CDH18: variants seen among roughly 807,000 people sequenced by gnomAD.
CDH18 encodes cadherin-18.
A neutral mutation model predicts 67.9 loss-of-function variants in CDH18; 31 were observed. The ratio of observed to expected loss-of-function variants is 0.46; its 90% CI spans 0.34 to 0.62. The LOEUF (loss-of-function observed/expected upper bound fraction) is 0.62, where lower values mean the gene tolerates loss of function less well. CDH18 is among the 20% of genes least tolerant of loss of function. CDH18 has a pLI of 0.01. For synonymous variants in CDH18, 362 were observed against 347.2 expected (o/e 1.04, Z -0.48); for missense variants, 890 against 975.5 (o/e 0.91, Z 1.17).
intron 1 of CDH18, among the ~76,000 whole-genome samples, chr5:20,283,314 C>T (rs937530952): frequency 2.7e-4 from 41 of 151,858 alleles, no homozygotes; most frequent in African/African-American, 9.9e-4. Flanking sequence ...TGGAGGGAAT[C>T]CACAGAATGG....
At chr5:19,835,567 T>G (rs1781535411) in intron 3 of CDH18, among the ~76,000 whole-genome samples, 1 of 152,148 alleles carries the variant, frequency 6.6e-6, no homozygotes, top group Admixed American at 6.6e-5. Flanking sequence ...GAGGTTAAAT[T>G]AATTTTCTAA....
At chr5:20,498,849 A>C (rs184104125) in intron 1 of CDH18, among the ~76,000 whole-genome samples, 1 of 152,254 alleles carries the variant, frequency 6.6e-6, no homozygotes, top group Admixed American at 6.5e-5. Flanking sequence ...CACTAAACAT[A>C]GATTTAAATT....
chr5:19,902,730 G>T (rs1053877989), intron 2 of CDH18, among the ~76,000 whole-genome samples: 2 of 152,210 alleles, frequency 1.3e-5, no homozygotes, highest in African/African-American at 4.8e-5. Flanking sequence ...CAGGTAGAAA[G>T]AATGCAGAAT....
At chr5:19,791,947 C>T (rs147344894) in intron 3 of CDH18, among the ~76,000 whole-genome samples, 67 of 152,202 alleles carry the variant, frequency 4.4e-4, no homozygotes, top group African/African-American at 1.3e-3. Context: ...CAACAGACTA[C>T]TTTTTAGAAG....
intron 2 of CDH18, among the ~76,000 whole-genome samples, chr5:20,192,426 A>G (rs114896416): frequency 1.3e-5 from 2 of 152,032 alleles, no homozygotes; most frequent in Admixed American, 1.3e-4. Flanking sequence ...TCTTTGCCAA[A>G]TGCTTATGTC....
At chr5:19,956,431 T>C (rs1233020110) in intron 2 of CDH18, among the ~76,000 whole-genome samples, 1 of 151,954 alleles carries the variant, frequency 6.6e-6, no homozygotes, top group Non-Finnish European at 1.5e-5. Flanking sequence ...TCATTCCTAA[T>C]CATCAGCAGT....
At chr5:20,501,770 T>A (rs1394887244) in intron 1 of CDH18, among the ~76,000 whole-genome samples, 1 of 136,398 alleles carries the variant, frequency 7.3e-6, no homozygotes, top group Admixed American at 7.8e-5. Context: ...CCTTTACAGA[T>A]TGAATAAGTA....
chr5:20,235,634 G>A (rs1328761931), intron 2 of CDH18, among the ~76,000 whole-genome samples: 1 of 152,116 alleles, frequency 6.6e-6, no homozygotes, highest in African/African-American at 2.4e-5. Context: ...AACAGATGTT[G>A]GCAAGGCTGT....
At chr5:19,630,896 T>C (rs1309635857) in intron 5 of CDH18, among the ~76,000 whole-genome samples, 1 of 152,076 alleles carries the variant, frequency 6.6e-6, no homozygotes, top group African/African-American at 2.4e-5. Context: ...TGGCAAATAA[T>C]GGCTAAGGAA....
chr5:20,240,729 G>A (rs990006131), intron 2 of CDH18, among the ~76,000 whole-genome samples: 4 of 152,008 alleles, frequency 2.6e-5, no homozygotes, highest in Admixed American at 2.0e-4. Flanking sequence ...ATAGCTAGAC[G>A]CTCTACCCAG....
chr5:19,808,266 G>A (rs992525347), intron 3 of CDH18, among the ~76,000 whole-genome samples: 4 of 147,610 alleles, frequency 2.7e-5, no homozygotes, highest in African/African-American at 5.0e-5. Flanking sequence ...CTTTTGTAAC[G>A]AATGCCTATA....
At chr5:19,890,768 T>C (rs1788708210) in intron 2 of CDH18, among the ~76,000 whole-genome samples, 1 of 152,078 alleles carries the variant, frequency 6.6e-6, no homozygotes, top group Non-Finnish European at 1.5e-5. Context: ...CTAATTTTTG[T>C]ATTTTTATTA....
At chr5:20,015,191 G>A (rs1737776916) in intron 2 of CDH18, among the ~76,000 whole-genome samples, 1 of 152,026 alleles carries the variant, frequency 6.6e-6, no homozygotes, top group African/African-American at 2.4e-5. Context: ...TGGCCTATTT[G>A]GCCAAGAGAG....
At chr5:20,053,072 A>T (rs1189406159) in intron 2 of CDH18, among the ~76,000 whole-genome samples, 1 of 151,844 alleles carries the variant, frequency 6.6e-6, no homozygotes, top group Non-Finnish European at 1.5e-5. Flanking sequence ...AAAGCATGTA[A>T]ATCTCTAAGA....
intron 2 of CDH18, among the ~76,000 whole-genome samples, chr5:20,025,423 T>C (rs1015502796): frequency 1.3e-5 from 2 of 152,208 alleles, no homozygotes; most frequent in Admixed American, 1.3e-4. Context: ...AAATATAATA[T>C]GTCACAGTAT....
chr5:20,033,469 C>T (rs1739576081), intron 2 of CDH18, among the ~76,000 whole-genome samples: 1 of 152,148 alleles, frequency 6.6e-6, no homozygotes, highest in Non-Finnish European at 1.5e-5. Flanking sequence ...AGTAAACAGC[C>T]TGGCTGAAAT....
intron 1 of CDH18, among the ~76,000 whole-genome samples, chr5:20,422,465 T>A (rs1180584177): frequency 6.6e-6 from 1 of 150,984 alleles, no homozygotes; most frequent in Non-Finnish European, 1.5e-5. Context: ...TACCTACTTA[T>A]GTGACACATT....
chr5:20,022,009 CTT>C (rs1217702475), intron 2 of CDH18, among the ~76,000 whole-genome samples: 3 of 152,208 alleles, frequency 2.0e-5, no homozygotes, highest in African/African-American at 7.2e-5. Flanking sequence ...ACGCAATTGA[CTT>C]TTGTAGTTCA....
intron 1 of CDH18, among the ~76,000 whole-genome samples, chr5:20,418,433 C>G (rs1369248904): frequency 6.6e-6 from 1 of 151,488 alleles, no homozygotes; most frequent in African/African-American, 2.4e-5. Flanking sequence ...TCTTTGCATA[C>G]AACTCCTCCA....
Sources: allele counts gnomAD v4.1 joint callset (sites outside exome capture counted in the v4.1 genomes callset), GRCh38; gene constraint gnomAD v4.1.1; transcripts MANE v1.5; gene names NCBI Gene and HGNC (gene_info 2026-07-23, HGNC 2026-07-21).